MBNL2: variants seen among roughly 807,000 people sequenced by gnomAD.
MBNL2 encodes the protein muscleblind like splicing regulator 2, also known as muscleblind-like protein 2.
In MBNL2, 17 loss-of-function variants were observed where a neutral mutation model predicts 41.9. That is an observed-to-expected ratio of 0.41 (90% confidence interval 0.28 to 0.61). The LOEUF (loss-of-function observed/expected upper bound fraction) is 0.61. Ranked by LOEUF, MBNL2 falls within the 20% of genes least tolerant of loss-of-function variation. The probability of loss-of-function intolerance (pLI) is 0.35; values close to 1 mark genes in which losing one functional copy is unlikely to be tolerated. For synonymous variants in MBNL2, 195 were observed against 182.9 expected, an observed-to-expected ratio of 1.07 and a Z score of -0.53; for missense variants, 336 against 505.6, an observed-to-expected ratio of 0.66 and a Z score of 3.22.
chr13:97,335,054 G>A (rs1190165337), intron 3 of MBNL2, among the ~76,000 whole-genome samples: 1 of 152,208 alleles, frequency 6.6e-6, no homozygotes, highest in Non-Finnish European at 1.5e-5. Flanking sequence ...GCCTTTCAGA[G>A]GCCTGCAAAA....
the MBNL2 span, among the ~76,000 whole-genome samples, chr13:97,215,443 G>T: frequency 3.3e-5 from 5 of 152,160 alleles, no homozygotes; most frequent in African/African-American, 1.2e-4. Context: ...ATCACACTTT[G>T]TTCCTTTTGA....
At chr13:97,206,224 C>G in the MBNL2 span, among the ~76,000 whole-genome samples, 1 of 152,158 alleles carries the variant, frequency 6.6e-6, no homozygotes, top group Non-Finnish European at 1.5e-5. Flanking sequence ...TTCTGATCCT[C>G]AGAGAGCAAG....
intron 1 of MBNL2, among the ~76,000 whole-genome samples, chr13:97,239,428 G>T (rs1030566269): frequency 6.6e-6 from 1 of 152,196 alleles, no homozygotes; most frequent in African/African-American, 2.4e-5. Flanking sequence ...ATTGAGGCAG[G>T]CATTTCTCTA....
At chr13:97,186,290 C>T in the MBNL2 span, among the ~76,000 whole-genome samples, 1 of 152,246 alleles carries the variant, frequency 6.6e-6, no homozygotes, top group East Asian at 1.9e-4. Context: ...TCCCCAAATC[C>T]TGCCCCTTCT....
At chr13:97,335,465 G>C (rs1277667593) in intron 3 of MBNL2, among the ~76,000 whole-genome samples, 1 of 152,144 alleles carries the variant, frequency 6.6e-6, no homozygotes, top group African/African-American at 2.4e-5. Context: ...TTCCCTGTGA[G>C]ATGGGGTGTG....
the MBNL2 span, among the ~76,000 whole-genome samples, chr13:97,200,563 C>CA: frequency 1.3e-5 from 2 of 152,148 alleles, no homozygotes; most frequent in East Asian, 1.9e-4. Context: ...CATTGGACAA[C>CA]AAAAAAATCC....
chr13:97,192,497 C>T, the MBNL2 span, among the ~76,000 whole-genome samples: 1 of 152,188 alleles, frequency 6.6e-6, no homozygotes, highest in Admixed American at 6.5e-5. Flanking sequence ...AGGGTGAAAC[C>T]AGTTGGAAAG....
At chr13:97,362,902 G>A (rs2063527092) in intron 7 of MBNL2, 1 of 152,416 alleles carries the variant, frequency 6.6e-6, no homozygotes, top group Admixed American at 6.5e-5. Context: ...TGGTCAGCTG[G>A]ACCCAGGAAG....
rs191407311 is a variant in MBNL2 at position 97,283,842 on chromosome 13, G to A, written c.174+7433G>A. Among the ~76,000 whole-genome samples the A allele has an allele frequency of 1.7e-3, 266 of 152,244 alleles. 1 individual carries two copies. Among genetic ancestry groups the A allele is most frequent in the African/African-American group, 6.0e-3 (249 of 41,556 alleles). On this transcript the variant is annotated intron_variant, in intron 2 of 8. Transcript: ENST00000679496. ...GAAACATGCAGCTTTCAGGATAAAAGCAGAACCGTGACTCCCTAAGAGCAA... is the reference window on the plus strand; with the variant it reads ...GAAACATGCAGCTTTCAGGATAAAAACAGAACCGTGACTCCCTAAGAGCAA...
rs141170524 is a variant in MBNL2 at position 97,315,485 on chromosome 13, A to C, written c.175-18791A>C. On this transcript the variant is annotated intron_variant, in intron 2 of 8. Transcript: ENST00000679496. Reference sequence around the variant, plus strand: ...GGATCTGACATCAATACTGATATTGATAATGGTTAATAGCAGGCATTAGGG... The same window carrying C: ...GGATCTGACATCAATACTGATATTGCTAATGGTTAATAGCAGGCATTAGGG... Among the ~76,000 whole-genome samples, 60 of 152,346 alleles carry C rather than the reference A, an allele frequency of 3.9e-4. 1 individual carries two copies. The highest frequency in any genetic ancestry group is 1.4e-3 in the African/African-American group (58 of 41,582).
chr13:97,282,276 G>T (rs547804670), intron 2 of MBNL2, among the ~76,000 whole-genome samples: 138 of 152,106 alleles, frequency 9.1e-4, no homozygotes, highest in Middle Eastern at 3.4e-3. Context: ...GATTGATTTG[G>T]CCCAGGAGGT....
the MBNL2 span, among the ~76,000 whole-genome samples, chr13:97,175,165 C>G: frequency 6.6e-6 from 1 of 152,152 alleles, no homozygotes; most frequent in Non-Finnish European, 1.5e-5. Flanking sequence ...TTCCCAACAG[C>G]CTGGCCAAGC....
chr13:97,346,769 T>C lies in MBNL2; in HGVS notation c.541-35T>C. On this transcript the variant is annotated intron_variant, in intron 4 of 8. Transcript: ENST00000679496. The surrounding 1 kb of genome is among the most constrained non-coding windows in gnomAD (Gnocchi z 4.2). ...CCGCAGGGGCGCCTGGGCTCAGGCT[T>C]GCCTCTGCAGCGCGGCTCTTCTTCC... The C allele has an allele frequency of 1.2e-6, 2 of 1,601,550 alleles. No individual in the cohort carries two copies. Among genetic ancestry groups the C allele is most frequent in the Non-Finnish European group, 1.7e-6 (2 of 1,172,178 alleles).
At chr13:97,154,655 T>G in the MBNL2 span, among the ~76,000 whole-genome samples, 1 of 152,184 alleles carries the variant, frequency 6.6e-6, no homozygotes, top group African/African-American at 2.4e-5. Flanking sequence ...AGGGAGTGAT[T>G]AAATTCGTTT....
chr13:97,262,876 G>C (rs980990979), intron 1 of MBNL2, among the ~76,000 whole-genome samples: 2 of 152,060 alleles, frequency 1.3e-5, no homozygotes, highest in Admixed American at 6.6e-5. Context: ...CAATTCTCCT[G>C]CTTCCGCCTC....
rs1440042134 is a variant in MBNL2, at chr13:97,264,008, TTTTTC to T, written c.-604-11619_-604-11615del. Among the ~76,000 whole-genome samples, 735 of 146,102 alleles carry T rather than the reference TTTTTC, an allele frequency of 5.0e-3. 7 individuals carry two copies. The highest frequency in any genetic ancestry group is 0.019 in the African/African-American group (703 of 37,150). On this transcript the variant is annotated intron_variant, in intron 1 of 8. Coordinates refer to ENST00000679496, the MANE Select transcript of MBNL2 (RefSeq NM_001382683.1). ...TGTGTAAACTGAGAGAAGATTATTC[TTTTTC>T]TTTTTTTTTTTTTTTGAGATGGAGT...
chr13:97,334,210 T>A lies in MBNL2; in HGVS notation c.175-66T>A. ...GCTTTTGTGCATAAGAAGTGATTGTTCAGTGGTTGACTTTGGAGTTGCAAG... is the reference window on the plus strand; with the variant it reads ...GCTTTTGTGCATAAGAAGTGATTGTACAGTGGTTGACTTTGGAGTTGCAAG... On this transcript the variant is annotated intron_variant, in intron 2 of 8. Coordinates refer to ENST00000679496, the MANE Select transcript of MBNL2 (RefSeq NM_001382683.1). The surrounding 1 kb of genome is among the most constrained non-coding windows in gnomAD (Gnocchi z 5.3). The A allele has an allele frequency of 1.6e-6, 2 of 1,262,224 alleles. No individual in the cohort carries two copies. The highest frequency in any genetic ancestry group is 2.2e-6 in the Non-Finnish European group (2 of 890,014). 78.2% of individuals were successfully genotyped at this position (1,262,224 alleles called of 1,614,324 possible). A position where few individuals can be genotyped will look rare whatever the true frequency, so the allele number is the denominator to read the frequency against.
the MBNL2 span, among the ~76,000 whole-genome samples, chr13:97,215,086 C>A: frequency 1.3e-5 from 2 of 152,222 alleles, no homozygotes; most frequent in Admixed American, 6.5e-5. Flanking sequence ...CCATCTCCAA[C>A]GCTTGGAGGA....
chr13:97,192,571 C>T, the MBNL2 span, among the ~76,000 whole-genome samples: 1 of 152,214 alleles, frequency 6.6e-6, no homozygotes, highest in East Asian at 1.9e-4. Flanking sequence ...CCTGAACAGC[C>T]TCGTGGGTGC....
Sources: allele counts gnomAD v4.1 joint callset (sites outside exome capture counted in the v4.1 genomes callset), GRCh38; gene constraint gnomAD v4.1.1; non-coding constraint Gnocchi (gnomAD v3.1); transcripts MANE v1.5; gene names NCBI Gene and HGNC (gene_info 2026-07-23, HGNC 2026-07-21).